Variants in PDE4B observed in about 807,000 individuals in gnomAD.
PDE4B encodes the protein 3',5'-cyclic-AMP phosphodiesterase 4B.
In PDE4B, 20 loss-of-function variants were observed where a neutral mutation model predicts 82.2. The ratio of observed to expected loss-of-function variants is 0.24; its 90% CI spans 0.17 to 0.35. The LOEUF (loss-of-function observed/expected upper bound fraction) is 0.35. Ranked by LOEUF, PDE4B falls within the 10% of genes least tolerant of loss-of-function variation. The pLI, the probability that PDE4B is intolerant of heterozygous loss-of-function variation, is 1.00. For synonymous variants in PDE4B, 320 were observed against 318.9 expected (o/e 1.00, Z -0.04); for missense variants, 655 against 907.2 (o/e 0.72, Z 3.57).
At chr1:65,922,354 G>A (rs1647278431) in intron 3 of PDE4B, among the ~76,000 whole-genome samples, 1 of 152,128 alleles carries the variant, frequency 6.6e-6, no homozygotes, top group Admixed American at 6.5e-5. Context: ...CATTTAGACT[G>A]AGTAGCCAAA....
chr1:66,273,900 G>A (rs1473553639), intron 7 of PDE4B, among the ~76,000 whole-genome samples: 1 of 152,216 alleles, frequency 6.6e-6, no homozygotes, highest in Non-Finnish European at 1.5e-5. Context: ...TGCTAATCTT[G>A]ACAACGTGTG....
chr1:66,328,188 A>T (rs1315924554), intron 7 of PDE4B, among the ~76,000 whole-genome samples: 2 of 152,226 alleles, frequency 1.3e-5, no homozygotes, highest in African/African-American at 4.8e-5. Context: ...GTCAAATGCA[A>T]TACCCAGCAA....
At chr1:65,905,802 TG>T (rs1647022418) in intron 1 of PDE4B, among the ~76,000 whole-genome samples, 4 of 152,222 alleles carry the variant, frequency 2.6e-5, no homozygotes, top group African/African-American at 9.6e-5. Flanking sequence ...CTTCTCACAC[TG>T]CACTGTGAAC....
chr1:65,960,575 A>G (rs1217317608), intron 3 of PDE4B, among the ~76,000 whole-genome samples: 1 of 152,162 alleles, frequency 6.6e-6, no homozygotes, highest in Admixed American at 6.6e-5. Flanking sequence ...CCTCAGATTC[A>G]TCATCTGTGA....
chr1:65,916,461 G>A (rs1557430362), intron 2 of PDE4B, among the ~76,000 whole-genome samples: 1 of 152,020 alleles, frequency 6.6e-6, no homozygotes, highest in Non-Finnish European at 1.5e-5. Context: ...AGGGTGGTTG[G>A]CGGTTTAGCT....
At chr1:66,291,173 T>C (rs1354213488) in intron 7 of PDE4B, among the ~76,000 whole-genome samples, 1 of 152,212 alleles carries the variant, frequency 6.6e-6, no homozygotes, top group Non-Finnish European at 1.5e-5. Flanking sequence ...TAAGTGCTTT[T>C]ATATGTAGTA....
At chr1:66,268,351 A>G (rs1351085803) in intron 7 of PDE4B, among the ~76,000 whole-genome samples, 2 of 152,222 alleles carry the variant, frequency 1.3e-5, no homozygotes, top group South Asian at 2.1e-4. Context: ...AAATGGATAC[A>G]TCAAAGGAAA....
intron 1 of PDE4B, among the ~76,000 whole-genome samples, chr1:65,911,741 G>A (rs1436505532): frequency 6.6e-6 from 1 of 152,058 alleles, no homozygotes; most frequent in Non-Finnish European, 1.5e-5. Context: ...TTTGCATATT[G>A]AATCAAATAC....
intron 3 of PDE4B, among the ~76,000 whole-genome samples, chr1:66,137,832 A>G (rs1050506686): frequency 6.6e-6 from 1 of 152,222 alleles, no homozygotes; most frequent in African/African-American, 2.4e-5. Flanking sequence ...CATTTACTGA[A>G]TATCTAATAT....
At chr1:66,215,478 C>A (rs957344903) in intron 3 of PDE4B, among the ~76,000 whole-genome samples, 1 of 152,108 alleles carries the variant, frequency 6.6e-6, no homozygotes, top group Admixed American at 6.5e-5. Context: ...TATGACTCCA[C>A]AAGAGGGTAA....
chr1:66,152,833 G>A (rs1349969750), intron 3 of PDE4B, among the ~76,000 whole-genome samples: 1 of 152,000 alleles, frequency 6.6e-6, no homozygotes, highest in Non-Finnish European at 1.5e-5. Context: ...TTAAGCAGAT[G>A]TCAGTGCTAG....
At chr1:66,325,373 G>C (rs1012180332) in intron 7 of PDE4B, among the ~76,000 whole-genome samples, 2 of 152,132 alleles carry the variant, frequency 1.3e-5, no homozygotes, top group African/African-American at 4.8e-5. Context: ...ATAATCATTC[G>C]CTACAATGGA....
At chr1:66,058,197 A>T (rs974030499) in intron 3 of PDE4B, among the ~76,000 whole-genome samples, 1 of 152,206 alleles carries the variant, frequency 6.6e-6, no homozygotes, top group African/African-American at 2.4e-5. Context: ...CTTTGACTTC[A>T]TGTCTCACAT....
intron 3 of PDE4B, among the ~76,000 whole-genome samples, chr1:66,210,414 G>T (rs1327003406): frequency 6.6e-6 from 1 of 151,846 alleles, no homozygotes; most frequent in Non-Finnish European, 1.5e-5. Flanking sequence ...TGACCAACAT[G>T]GTGAAACTCT....
chr1:66,017,339 C>A (rs1212663025), intron 3 of PDE4B, among the ~76,000 whole-genome samples: 1 of 151,974 alleles, frequency 6.6e-6, no homozygotes, highest in Non-Finnish European at 1.5e-5. Flanking sequence ...ATCCAGTAGA[C>A]CTAGCCTATA....
chr1:66,154,924 A>G (rs1295368095), intron 3 of PDE4B, among the ~76,000 whole-genome samples: 10 of 152,146 alleles, frequency 6.6e-5, no homozygotes, highest in Admixed American at 6.5e-4. Flanking sequence ...ACAGTGTGTA[A>G]TCTTGCACTT....
intron 3 of PDE4B, among the ~76,000 whole-genome samples, chr1:65,958,188 T>C (rs781332606): frequency 3.9e-5 from 6 of 152,084 alleles, no homozygotes; most frequent in African/African-American, 1.4e-4. Context: ...TTTAAAAATA[T>C]GCTTGTGTTG....
intron 7 of PDE4B, among the ~76,000 whole-genome samples, chr1:66,298,197 A>G (rs1230051515): frequency 6.6e-6 from 1 of 152,304 alleles, no homozygotes; most frequent in South Asian, 2.1e-4. Flanking sequence ...AGATTACTCC[A>G]AAGTCACTAT....
At chr1:65,958,807 C>T (rs948823414) in intron 3 of PDE4B, among the ~76,000 whole-genome samples, 3 of 152,030 alleles carry the variant, frequency 2.0e-5, no homozygotes, top group African/African-American at 7.2e-5. Flanking sequence ...GTTACCTTAT[C>T]TTTTTAACCT....
Sources: gnomAD v4.1 joint callset for allele counts (sites outside exome capture counted in the v4.1 genomes callset) on GRCh38, gnomAD v4.1.1 for gene constraint, MANE v1.5 for transcripts, NCBI Gene and HGNC (gene_info 2026-07-23, HGNC 2026-07-21) for gene names.